The following TXLNB variants were observed in gnomAD, a reference collection of about 807,000 sequenced individuals.
TXLNB encodes taxilin beta.
Under a neutral mutation model 57.4 loss-of-function variants are expected in TXLNB, and 37 were observed. That is an observed-to-expected ratio of 0.64 (90% CI 0.50 to 0.85). TXLNB has a LOEUF of 0.85. TXLNB is among the 40% of genes least tolerant of loss of function. TXLNB has a pLI of 0.00. For missense variants in TXLNB, 848 were observed against 825.6 expected, an observed-to-expected ratio of 1.03 and a Z score of -0.33; for synonymous variants, 302 against 309.6, an observed-to-expected ratio of 0.98 and a Z score of 0.26.
At chr6:139,313,515 G>A in the TXLNB span, among the ~76,000 whole-genome samples, 1 of 152,174 alleles carries the variant, frequency 6.6e-6, no homozygotes, top group Non-Finnish European at 1.5e-5. Flanking sequence ...TATCAGGTGA[G>A]GAGACAAGAA....
At chr6:139,196,364 GGTTTTTTTTTTTTT>G in the TXLNB span, among the ~76,000 whole-genome samples, 2 of 86,770 alleles carry the variant, frequency 2.3e-5, no homozygotes, top group African/African-American at 9.1e-5. Flanking sequence ...CTCCAGATCT[GGTTTTTTTTTTTTT>G]TTTTTTTTTT....
At position 139,242,505 on chromosome 6, in the gene TXLNB, C is replaced by T. The variant is rs927529242; in HGVS notation, c.*21G>A. ...GAATATGCAAAGAGGCAGGAAGAAG[C>T]CTCTGAAGGCACGGTGAGGCTTAGT... On this transcript the variant is annotated 3_prime_UTR_variant, in exon 10 of 10. Coordinates refer to ENST00000358430, the MANE Select transcript of TXLNB (RefSeq NM_153235.4). 6.8e-7 allele frequency: 1 copy of T among 1,477,742 alleles called. No homozygotes were observed. The allele number at this position is 1,477,742 out of a possible 1,614,324, so 91.5% of individuals were successfully genotyped here.
At chr6:139,212,742 T>C in the TXLNB span, among the ~76,000 whole-genome samples, 1 of 152,130 alleles carries the variant, frequency 6.6e-6, no homozygotes, top group Non-Finnish European at 1.5e-5. Context: ...CCATCTCACA[T>C]GCAGAGACAC....
the TXLNB span, among the ~76,000 whole-genome samples, chr6:139,220,946 G>GGTAAGGGTA: frequency 1.3e-5 from 2 of 152,134 alleles, no homozygotes; most frequent in African/African-American, 4.8e-5. Context: ...AAGCTGGATG[G>GGTAAGGGTA]GAATTCTGCT....
the TXLNB span, among the ~76,000 whole-genome samples, chr6:139,232,626 T>C: frequency 6.6e-6 from 1 of 152,216 alleles, no homozygotes; most frequent in Non-Finnish European, 1.5e-5. Flanking sequence ...TTTTTATCCG[T>C]GCTCTACTTA....
intron 1 of TXLNB, among the ~76,000 whole-genome samples, chr6:139,290,199 G>A (rs1777273501): frequency 6.6e-6 from 1 of 152,144 alleles, no homozygotes; most frequent in Non-Finnish European, 1.5e-5. Context: ...GGCCAACATG[G>A]TGAAACCCTG....
chr6:139,283,886 T>C (rs1289381350), intron 2 of TXLNB, among the ~76,000 whole-genome samples: 1 of 146,040 alleles, frequency 6.8e-6, no homozygotes, highest in Non-Finnish European at 1.5e-5. Flanking sequence ...AATCTAAGAA[T>C]ATATCTTCAG....
At chr6:139,215,781 AAAAC>A in the TXLNB span, among the ~76,000 whole-genome samples, 1 of 152,182 alleles carries the variant, frequency 6.6e-6, no homozygotes, top group Non-Finnish European at 1.5e-5. Context: ...AATTTACAAG[AAAAC>A]AAACAAACCC....
the TXLNB span, among the ~76,000 whole-genome samples, chr6:139,217,768 C>T: frequency 6.8e-6 from 1 of 147,650 alleles, no homozygotes; most frequent in Non-Finnish European, 1.5e-5. Flanking sequence ...ACTCGGGTGG[C>T]TGAGGCAGGA....
the TXLNB span, among the ~76,000 whole-genome samples, chr6:139,213,454 A>C: frequency 2.0e-5 from 3 of 152,196 alleles, no homozygotes; most frequent in Non-Finnish European, 4.4e-5. Flanking sequence ...AACATATCAA[A>C]ATCTCTGGGA....
At chr6:139,281,033 AGTT>A (rs1777034448) in intron 2 of TXLNB, among the ~76,000 whole-genome samples, 1 of 152,006 alleles carries the variant, frequency 6.6e-6, no homozygotes, top group African/African-American at 2.4e-5. Flanking sequence ...GCCATCAACT[AGTT>A]GAGTGATTTA....
rs199831757 is a variant in TXLNB, at chr6:139,288,704, T to A, written c.196A>T (p.Ile66Phe). 9.7e-5 allele frequency: 156 copies of A among 1,614,182 alleles called. No individual in the cohort carries two copies. In the Middle Eastern group the frequency reaches 1.2e-3, roughly 12 times the overall value. ...GCAGCAGACCCATAAGTGTTAATGA[T>A]GTCTTCCAGCTGTCGATTCAGCTCT... ...SEELNRQLEDIINTYGSAAST... is the reference protein window; with the variant it reads ...SEELNRQLEDFINTYGSAAST... Residue 66 changes from isoleucine (I) to phenylalanine (F), a missense_variant, in exon 2 of 10, where the codon ATC becomes TTC. By Grantham distance (21) the Ile-to-Phe change is conservative (BLOSUM62 0). Coordinates refer to ENST00000358430, the MANE Select transcript of TXLNB (RefSeq NM_153235.4).
chr6:139,294,276 G>A (rs943160222), upstream of TXLNB, among the ~76,000 whole-genome samples: 9 of 152,066 alleles, frequency 5.9e-5, no homozygotes, highest in African/African-American at 2.2e-4. Context: ...TGAGTTTCTG[G>A]TACTCTTCTA....
the TXLNB span, chr6:139,159,351 G>C: frequency 1.1e-4 from 17 of 152,096 alleles, no homozygotes; most frequent in African/African-American, 4.1e-4. Flanking sequence ...AATAATCAGC[G>C]ATCTAATAAA....
chr6:139,205,205 C>G, the TXLNB span, among the ~76,000 whole-genome samples: 1 of 152,202 alleles, frequency 6.6e-6, no homozygotes, highest in Non-Finnish European at 1.5e-5. Context: ...ATTACAGCAA[C>G]TCTTGGCAGC....
chr6:139,250,751 G>A (rs186704858), intron 7 of TXLNB, among the ~76,000 whole-genome samples: 306 of 152,216 alleles, frequency 2.0e-3, no homozygotes, highest in Non-Finnish European at 3.7e-3. Flanking sequence ...GCAGACAGAC[G>A]GGGCAGGAGT....
chr6:139,304,806 T>C, the TXLNB span, among the ~76,000 whole-genome samples: 1 of 152,214 alleles, frequency 6.6e-6, no homozygotes, highest in African/African-American at 2.4e-5. Flanking sequence ...TCTCCGTATA[T>C]CTGTTTGTAT....
the TXLNB span, among the ~76,000 whole-genome samples, chr6:139,161,122 T>C: frequency 1.2e-4 from 18 of 152,188 alleles, no homozygotes; most frequent in Admixed American, 1.0e-3. Flanking sequence ...GGAAATAATG[T>C]CCGAGTTTAG....
chr6:139,222,941 A>G, the TXLNB span, among the ~76,000 whole-genome samples: 1 of 152,234 alleles, frequency 6.6e-6, no homozygotes, highest in Admixed American at 6.5e-5. Context: ...ATAAATAAAC[A>G]AATGAAGAAT....
Sources: gnomAD v4.1 joint callset for allele counts (sites outside exome capture counted in the v4.1 genomes callset) on GRCh38, gnomAD v4.1.1 for gene constraint, MANE v1.5 for transcripts, NCBI Gene and HGNC (gene_info 2026-07-23, HGNC 2026-07-21) for gene names.